The following ANXA8 variants were observed in gnomAD, a reference collection of about 807,000 sequenced individuals.
ANXA8 encodes annexin A8.
ANXA8 carries 9 observed loss-of-function variants against 26.8 expected under a neutral mutation model. That is an observed-to-expected ratio of 0.34 (90% CI 0.20 to 0.59). The LOEUF (loss-of-function observed/expected upper bound fraction) is 0.59. Among genes scored for constraint, ANXA8 ranks in the 20% least tolerant of loss-of-function variants. ANXA8 has a pLI of 0.84. For synonymous variants in ANXA8, 39 were observed against 94.8 expected, an observed-to-expected ratio of 0.41 and a Z score of 3.42; for missense variants, 83 against 238.5, an observed-to-expected ratio of 0.35 and a Z score of 4.29.
At chr10:47,646,504 T>C in the ANXA8 span, among the ~76,000 whole-genome samples, 22 of 150,198 alleles carry the variant, frequency 1.5e-4, no homozygotes, top group African/African-American at 5.5e-4. Context: ...TATTTATTCA[T>C]TTACATTTAC....
the ANXA8 span, among the ~76,000 whole-genome samples, chr10:47,938,647 C>A: frequency 1.4e-5 from 2 of 143,308 alleles, no homozygotes; most frequent in Non-Finnish European, 3.0e-5. Context: ...GTGTTGCTGA[C>A]CTGTCTCCCA....
the ANXA8 span, chr10:47,706,602 G>A: frequency 4.7e-6 from 4 of 854,508 alleles, no homozygotes; most frequent in African/African-American, 4.9e-5. Context: ...TTATGAAGAA[G>A]GGAAAGCTTT....
chr10:47,967,340 G>A, the ANXA8 span, among the ~76,000 whole-genome samples: 2,778 of 150,316 alleles, frequency 0.018, 193 homozygotes, highest in African/African-American at 0.063. Context: ...CTCCTGTGAC[G>A]GAACATAAGA....
chr10:47,702,476 G>T, the ANXA8 span, among the ~76,000 whole-genome samples: 1 of 151,138 alleles, frequency 6.6e-6, no homozygotes, highest in African/African-American at 2.4e-5. Context: ...AAGTAGCTGG[G>T]ACTACAGGTA....
the ANXA8 span, among the ~76,000 whole-genome samples, chr10:47,940,277 C>T: frequency 1.4e-5 from 2 of 144,814 alleles, no homozygotes; most frequent in Non-Finnish European, 3.0e-5. Flanking sequence ...TGGCACAGTG[C>T]CTGGCCCAGA....
the ANXA8 span, among the ~76,000 whole-genome samples, chr10:47,768,085 G>A: frequency 6.6e-6 from 1 of 150,518 alleles, no homozygotes; most frequent in Non-Finnish European, 1.5e-5. Context: ...GCAGAAGTCA[G>A]GAACTGAGGC....
chr10:47,552,016 G>T, the ANXA8 span: 19 of 279,210 alleles, frequency 6.8e-5, no homozygotes, highest in Middle Eastern at 1.4e-3. Flanking sequence ...GCAATACCCA[G>T]GGAAAAACAT....
At chr10:47,652,617 G>A in the ANXA8 span, among the ~76,000 whole-genome samples, 1 of 148,394 alleles carries the variant, frequency 6.7e-6, no homozygotes, top group African/African-American at 2.6e-5. Context: ...ATAAATTATG[G>A]TATTTGCTTT....
At chr10:47,554,089 T>C in the ANXA8 span, among the ~76,000 whole-genome samples, 1 of 137,770 alleles carries the variant, frequency 7.3e-6, no homozygotes, top group Non-Finnish European at 1.6e-5. Flanking sequence ...CTGGGCAACA[T>C]AGGGAGGCTA....
chr10:47,648,542 G>A, the ANXA8 span, among the ~76,000 whole-genome samples: 1 of 140,008 alleles, frequency 7.1e-6, no homozygotes, highest in Non-Finnish European at 1.5e-5. Flanking sequence ...ATCATGGGCA[G>A]TGGTCATAAT....
chr10:47,647,142 C>G, the ANXA8 span, among the ~76,000 whole-genome samples: 1 of 152,264 alleles, frequency 6.6e-6, no homozygotes, highest in African/African-American at 2.4e-5. Context: ...ATGTGATTCT[C>G]TTTCATAATG....
At chr10:47,743,323 T>C in the ANXA8 span, among the ~76,000 whole-genome samples, 5 of 94,326 alleles carry the variant, frequency 5.3e-5, no homozygotes, top group Admixed American at 1.3e-4. Context: ...CACATATATA[T>C]ATATACATAT....
rs1475195761 is a variant in ANXA8 at position 47,468,922 on chromosome 10, G to A, written c.925-16C>T. 48 of 1,609,688 alleles carry A rather than the reference G, an allele frequency of 3.0e-5. No homozygotes were observed. In the East Asian group the frequency reaches 3.6e-4, roughly 12 times the overall value. Reference sequence around the variant, plus strand: ...TGGTGTCTTCCTGTGGGCAGGAGGCGCATAAGCGTGAGAAGGGGTTTGCTT... The same window carrying A: ...TGGTGTCTTCCTGTGGGCAGGAGGCACATAAGCGTGAGAAGGGGTTTGCTT... On this transcript the variant is annotated splice_polypyrimidine_tract_variant and intron_variant, in intron 11 of 11. Coordinates refer to ENST00000585281, the MANE Select transcript of ANXA8 (RefSeq NM_001040084.3).
the ANXA8 span, among the ~76,000 whole-genome samples, chr10:47,951,309 A>T: frequency 3.3e-5 from 5 of 150,952 alleles, no homozygotes; most frequent in African/African-American, 2.5e-5. Flanking sequence ...AAACCTTCAC[A>T]CAAGGAAAAT....
chr10:47,937,378 GCTCTT>G, the ANXA8 span, among the ~76,000 whole-genome samples: 15 of 149,220 alleles, frequency 1.0e-4, 1 homozygote, highest in Admixed American at 9.3e-4. Flanking sequence ...AAGAATTTGT[GCTCTT>G]CTAAGAGTCC....
chr10:47,548,994 T>G, the ANXA8 span, among the ~76,000 whole-genome samples: 1 of 152,288 alleles, frequency 6.6e-6, no homozygotes, highest in Non-Finnish European at 1.5e-5. Context: ...ATGATATATT[T>G]GTACATATAT....
At chr10:47,572,991 G>GT in the ANXA8 span, among the ~76,000 whole-genome samples, 1 of 148,508 alleles carries the variant, frequency 6.7e-6, no homozygotes, top group African/African-American at 2.5e-5. Context: ...AATTGGAATT[G>GT]TTTTTTGTTT....
chr10:47,769,217 G>A, the ANXA8 span, among the ~76,000 whole-genome samples: 1 of 148,596 alleles, frequency 6.7e-6, no homozygotes, highest in Admixed American at 6.7e-5. Context: ...CTTTCAAAGG[G>A]CCCATTTGAG....
chr10:47,597,765 G>C, the ANXA8 span, among the ~76,000 whole-genome samples: 1 of 105,030 alleles, frequency 9.5e-6, no homozygotes, highest in Admixed American at 1.0e-4. Context: ...AATCATAGAT[G>C]ACACAAACAA....
Sources: gnomAD v4.1 joint callset for allele counts (sites outside exome capture counted in the v4.1 genomes callset) on GRCh38, gnomAD v4.1.1 for gene constraint, MANE v1.5 for transcripts, NCBI Gene and HGNC (gene_info 2026-07-23, HGNC 2026-07-21) for gene names.